Variants in BTD observed in about 807,000 individuals in gnomAD.
BTD encodes biocytinase.
In BTD, 13 loss-of-function variants were observed where a neutral mutation model predicts 17.7. That is an observed-to-expected ratio of 0.74 (90% CI 0.48 to 1.17). BTD has a LOEUF of 1.17. Among genes scored for constraint, BTD ranks in the 50% most tolerant of loss-of-function variants. The probability of loss-of-function intolerance (pLI) is 0.00; values close to 1 mark genes in which losing one functional copy is unlikely to be tolerated. For missense variants in BTD, 674 were observed against 650.4 expected (o/e 1.04, Z -0.39); for synonymous variants, 240 against 245.2 (o/e 0.98, Z 0.20).
At chr3:15,677,934 G>C (rs878943229) in intron 3 of BTD, among the ~76,000 whole-genome samples, 2 of 152,026 alleles carry the variant, frequency 1.3e-5, no homozygotes, top group Non-Finnish European at 2.9e-5. Flanking sequence ...AGGTCATTTA[G>C]CTGAAAGATC....
chr3:15,690,112 C>T, intron 3 of BTD: 1 of 1,611,848 alleles, frequency 6.2e-7, no homozygotes, highest in Non-Finnish European at 8.5e-7. Context: ...TCAACATGGC[C>T]CTTAAAAGCT....
intron 4 of BTD, among the ~76,000 whole-genome samples, chr3:15,718,128 T>C (rs1281128123): frequency 6.6e-6 from 1 of 152,196 alleles, no homozygotes; most frequent in African/African-American, 2.4e-5. Flanking sequence ...GAATATATAT[T>C]CTTGCTGGAT....
At chr3:15,659,303 T>TG (rs994279788) in intron 3 of BTD, among the ~76,000 whole-genome samples, 5 of 149,862 alleles carry the variant, frequency 3.3e-5, no homozygotes, top group Non-Finnish European at 7.4e-5. Flanking sequence ...TGACTGAGTG[T>TG]GGGGGGGATA....
chr3:15,658,196 A>C (rs1433919964), downstream of BTD, among the ~76,000 whole-genome samples: 1 of 151,782 alleles, frequency 6.6e-6, no homozygotes, highest in East Asian at 1.9e-4. Context: ...AGAAAGAAAA[A>C]GGAAATGGAG....
In BTD at chr3:15,645,436, C is replaced by A. The variant is rs766612229; in HGVS notation, c.1520C>A (p.Ser507Tyr). 1.2e-6 allele frequency: 2 copies of A among 1,613,546 alleles called. No homozygotes were observed. Among genetic ancestry groups the A allele is most frequent in the Non-Finnish European group, 1.7e-6 (2 of 1,180,020 alleles). The stretch of plus-strand genomic sequence containing the variant: ...TATTTCCTGAGGAAAAGTAGGCTGT[C>A]CTCTGGGCTGGTGACGGCGGCTCTC... Reference protein sequence around the residue: ...DHYFLRKSRLSSGLVTAALYG... With the variant: ...DHYFLRKSRLYSGLVTAALYG... The change falls in exon 4 of 4, where the codon TCC (serine) becomes TAC (tyrosine). Residue 507 changes from serine (S) to tyrosine (Y), a missense_variant. By Grantham distance (144) the Ser-to-Tyr change is moderately radical (BLOSUM62 -2). Coordinates refer to ENST00000643237, the MANE Select transcript of BTD (RefSeq NM_001370658.1).
At chr3:15,690,020 T>C (rs1342250599) in intron 3 of BTD, 1 of 1,604,542 alleles carries the variant, frequency 6.2e-7, no homozygotes, top group Non-Finnish European at 8.5e-7. Flanking sequence ...CTGGCATACC[T>C]GCTGCATGAA....
chr3:15,628,813 A>G (rs2065131365), intron 1 of BTD, among the ~76,000 whole-genome samples: 1 of 152,162 alleles, frequency 6.6e-6, no homozygotes, highest in African/African-American at 2.4e-5. Flanking sequence ...CTTTCCTGCA[A>G]ACTCAAATAT....
At chr3:15,694,412 C>T (rs2069235237) in intron 3 of BTD, among the ~76,000 whole-genome samples, 1 of 152,086 alleles carries the variant, frequency 6.6e-6, no homozygotes, top group South Asian at 2.1e-4. Flanking sequence ...AGGCATTCCA[C>T]TAGGGCAGCA....
intron 3 of BTD, among the ~76,000 whole-genome samples, chr3:15,662,994 A>G (rs1333161750): frequency 2.6e-5 from 4 of 151,088 alleles, no homozygotes; most frequent in Non-Finnish European, 5.9e-5. Flanking sequence ...ATCTATGTTC[A>G]TGAGAAATAT....
chr3:15,662,755 C>T (rs943734714), intron 3 of BTD, among the ~76,000 whole-genome samples: 3 of 151,986 alleles, frequency 2.0e-5, no homozygotes, highest in African/African-American at 4.8e-5. Context: ...CCACCTCACC[C>T]GCCTGAGCAG....
chr3:15,684,294 T>G (rs1211989613), intron 3 of BTD: 1 of 152,212 alleles, frequency 6.6e-6, no homozygotes, highest in Non-Finnish European at 1.5e-5. Flanking sequence ...TATGCTTCCC[T>G]ACGTGACCTT....
At chr3:15,629,146 C>G (rs2065141633) in intron 1 of BTD, among the ~76,000 whole-genome samples, 1 of 152,130 alleles carries the variant, frequency 6.6e-6, no homozygotes, top group African/African-American at 2.4e-5. Flanking sequence ...ATTGGAGAGG[C>G]ACCTGAGAAA....
chr3:15,655,013 A>G (rs2065857927), downstream of BTD, among the ~76,000 whole-genome samples: 1 of 152,186 alleles, frequency 6.6e-6, no homozygotes, highest in South Asian at 2.1e-4. Context: ...GATTATAGGC[A>G]TGAGCCACCG....
chr3:15,687,493 A>G (rs566065385), intron 3 of BTD, among the ~76,000 whole-genome samples: 3 of 152,302 alleles, frequency 2.0e-5, no homozygotes, highest in African/African-American at 7.2e-5. Context: ...GGTCCTGTTA[A>G]TATATACAAA....
chr3:15,632,337 C>A (rs1335349713), intron 1 of BTD, among the ~76,000 whole-genome samples: 1 of 152,228 alleles, frequency 6.6e-6, no homozygotes, highest in Non-Finnish European at 1.5e-5. Context: ...ACCCCTGGGG[C>A]TGGCCCACAG....
chr3:15,621,159 C>G (rs2064941663), intron 1 of BTD, among the ~76,000 whole-genome samples: 1 of 152,236 alleles, frequency 6.6e-6, no homozygotes, highest in Non-Finnish European at 1.5e-5. Flanking sequence ...GGTGGCTCAT[C>G]TTTACCTAGT....
At chr3:15,621,781 G>A (rs2064957811) in intron 1 of BTD, among the ~76,000 whole-genome samples, 1 of 152,034 alleles carries the variant, frequency 6.6e-6, no homozygotes, top group South Asian at 2.1e-4. Context: ...TGTATTTTTA[G>A]TAGAGATGGG....
In BTD at chr3:15,704,299, T is replaced by A. The variant is rs142480090; in HGVS notation, c.400-5761T>A. Among the ~76,000 whole-genome samples, 77 of 151,838 alleles carry A rather than the reference T, an allele frequency of 5.1e-4. No individual in the cohort carries two copies. In the East Asian group the frequency reaches 0.014, roughly 27 times the overall value. ...TAACAAGCAGAATGACTAGAATGAG[T>A]CACGGAAGATTTCATGTATTTTTCC... is the stretch of plus-strand genomic sequence containing the variant. On this transcript the variant is annotated intron_variant, in intron 3 of 3. Transcript: ENST00000672141.
downstream of BTD, among the ~76,000 whole-genome samples, chr3:15,654,102 A>G (rs144682169): frequency 1.8e-3 from 267 of 152,358 alleles, 1 homozygote; most frequent in African/African-American, 5.9e-3. Context: ...ACAACCCCCA[A>G]AACAAATTGC....
Sources: allele counts gnomAD v4.1 joint callset (sites outside exome capture counted in the v4.1 genomes callset), GRCh38; gene constraint gnomAD v4.1.1; transcripts MANE v1.5; gene names NCBI Gene and HGNC (gene_info 2026-07-23, HGNC 2026-07-21).